The following DTNB variants were observed in gnomAD, a reference collection of about 807,000 sequenced individuals.
DTNB encodes dystrobrevin beta, also known as DTN-B.
DTNB carries 63 observed loss-of-function variants against 90.7 expected under a neutral mutation model. That is an observed-to-expected ratio of 0.69 (90% CI 0.57 to 0.86). The LOEUF (loss-of-function observed/expected upper bound fraction) is 0.86. Among genes scored for constraint, DTNB ranks in the 40% least tolerant of loss-of-function variants. The pLI is 0.00. For synonymous variants in DTNB, 277 were observed against 286.7 expected (o/e 0.97, Z 0.34); for missense variants, 744 against 807.1 (o/e 0.92, Z 0.95).
intron 8 of DTNB, among the ~76,000 whole-genome samples, chr2:25,541,790 T>C (rs1279800287): frequency 6.6e-6 from 1 of 152,198 alleles, no homozygotes; most frequent in Non-Finnish European, 1.5e-5. Flanking sequence ...GTGGAATTGC[T>C]GGATTATATG....
intron 20 of DTNB, among the ~76,000 whole-genome samples, chr2:25,378,002 G>A (rs1228481266): frequency 1.3e-5 from 2 of 152,226 alleles, no homozygotes; most frequent in Non-Finnish European, 2.9e-5. Context: ...AGAGAGCGCA[G>A]GATTAGGAGG....
chr2:25,665,846 TGAGA>T (rs2084311366), intron 1 of DTNB, among the ~76,000 whole-genome samples: 1 of 151,118 alleles, frequency 6.6e-6, no homozygotes, highest in Non-Finnish European at 1.5e-5. Context: ...TTTACAAATC[TGAGA>T]GAGTTCTCTA....
intron 10 of DTNB, among the ~76,000 whole-genome samples, chr2:25,480,213 A>G (rs1006683778): frequency 2.6e-5 from 4 of 152,158 alleles, no homozygotes; most frequent in Non-Finnish European, 4.4e-5. Context: ...TTTTGTTCCT[A>G]TGGAGCCGCT....
At chr2:25,538,421 T>TAC (rs2080340916) in intron 8 of DTNB, among the ~76,000 whole-genome samples, 1 of 152,072 alleles carries the variant, frequency 6.6e-6, no homozygotes, top group Non-Finnish European at 1.5e-5. Flanking sequence ...TACATATATA[T>TAC]ACACACACCA....
At chr2:25,502,880 T>TAAA (rs776792939) in intron 9 of DTNB, among the ~76,000 whole-genome samples, 6 of 79,500 alleles carry the variant, frequency 7.5e-5, no homozygotes, top group African/African-American at 2.5e-4. Context: ...AGCAACTGTC[T>TAAA]AAAAAAAAAA....
At chr2:25,504,780 A>G (rs1196912376) in intron 9 of DTNB, among the ~76,000 whole-genome samples, 2 of 152,360 alleles carry the variant, frequency 1.3e-5, no homozygotes, top group East Asian at 3.8e-4. Context: ...TAAGATAGCA[A>G]TATTCCCCAA....
intron 8 of DTNB, among the ~76,000 whole-genome samples, chr2:25,573,920 C>T (rs1311373955): frequency 6.6e-6 from 1 of 152,234 alleles, no homozygotes; most frequent in African/African-American, 2.4e-5. Flanking sequence ...CTCCATCCAT[C>T]ATTCAAGGAC....
chr2:25,609,560 C>T (rs1259765241), intron 4 of DTNB, among the ~76,000 whole-genome samples: 1 of 147,778 alleles, frequency 6.8e-6, no homozygotes, highest in Non-Finnish European at 1.5e-5. Context: ...ATAGCATCAT[C>T]TCTTGTTGCC....
chr2:25,406,513 A>C (rs1468303348), intron 16 of DTNB, among the ~76,000 whole-genome samples: 1 of 151,386 alleles, frequency 6.6e-6, no homozygotes, highest in Non-Finnish European at 1.5e-5. Context: ...CCAGCCTGGG[A>C]AACAAGAGTG....
At chr2:25,585,434 C>T (rs549387793) in intron 6 of DTNB, among the ~76,000 whole-genome samples, 10 of 152,194 alleles carry the variant, frequency 6.6e-5, no homozygotes, top group African/African-American at 1.7e-4. Flanking sequence ...TAGAAACAAG[C>T]GTTTGTTTGT....
chr2:25,555,255 C>A (rs1286899601), intron 8 of DTNB, among the ~76,000 whole-genome samples: 21 of 140,602 alleles, frequency 1.5e-4, no homozygotes, highest in Non-Finnish European at 2.9e-4. Context: ...CGGGCCACTG[C>A]ACTCCAGCCT....
intron 12 of DTNB, among the ~76,000 whole-genome samples, chr2:25,442,689 T>C (rs982633848): frequency 6.6e-6 from 1 of 152,206 alleles, no homozygotes; most frequent in African/African-American, 2.4e-5. Context: ...TATCTGACTG[T>C]AAGAATGGAA....
rs375567646 is a variant in DTNB at position 25,628,316 on chromosome 2, T to C, written c.217A>G (p.Thr73Ala). 14 of 1,612,998 alleles carry C rather than the reference T, an allele frequency of 8.7e-6. No homozygotes were observed. In the African/African-American group the frequency reaches 1.9e-4, roughly 22 times the overall value. Residue 73 changes from threonine (T) to alanine (A), a missense_variant, in exon 4 of 21, where the codon ACC becomes GCC. Transcript: ENST00000406818. ...RDNGLNTLDH[T>A]TEISVSRLET... ...AGGCGGGACACACTGATCTCGGTGGTATGGTCCAGTGTATTAAGGCCATTG... is the reference window on the plus strand; with the variant it reads ...AGGCGGGACACACTGATCTCGGTGGCATGGTCCAGTGTATTAAGGCCATTG...
At chr2:25,479,897 C>T (rs527904316) in intron 10 of DTNB, among the ~76,000 whole-genome samples, 1 of 152,246 alleles carries the variant, frequency 6.6e-6, no homozygotes, top group African/African-American at 2.4e-5. Context: ...GCTCTATCTC[C>T]GCGAGCATTC....
chr2:25,525,660 A>C (rs1397911661), intron 9 of DTNB, among the ~76,000 whole-genome samples: 1 of 152,114 alleles, frequency 6.6e-6, no homozygotes, highest in Admixed American at 6.5e-5. Flanking sequence ...AAAAAAATCC[A>C]AGGCAAATAT....
At chr2:25,533,189 G>A (rs989408899) in intron 8 of DTNB, among the ~76,000 whole-genome samples, 8 of 151,998 alleles carry the variant, frequency 5.3e-5, no homozygotes, top group African/African-American at 7.3e-5. Context: ...TAGCTGGTGC[G>A]GTGGCATGTG....
intron 8 of DTNB, among the ~76,000 whole-genome samples, chr2:25,538,799 T>C (rs1418943276): frequency 6.6e-6 from 1 of 152,098 alleles, no homozygotes; most frequent in Admixed American, 6.5e-5. Flanking sequence ...ACCTACCCAC[T>C]ATTCTGCCTG....
intron 9 of DTNB, chr2:25,497,453 CTG>C (rs1314796995): frequency 6.6e-6 from 1 of 152,164 alleles, no homozygotes; most frequent in African/African-American, 2.4e-5. Flanking sequence ...GCCTACAGAA[CTG>C]TGTCTGCCAA....
intron 9 of DTNB, among the ~76,000 whole-genome samples, chr2:25,526,389 A>AT (rs1195477432): frequency 1.7e-3 from 102 of 58,758 alleles, no homozygotes; most frequent in South Asian, 2.4e-3. Context: ...ATATATATAT[A>AT]TATATATTTT....
Sources: allele counts gnomAD v4.1 joint callset (sites outside exome capture counted in the v4.1 genomes callset), GRCh38; gene constraint gnomAD v4.1.1; transcripts MANE v1.5; gene names NCBI Gene and HGNC (gene_info 2026-07-23, HGNC 2026-07-21).